TNFAIP8: variants seen among roughly 807,000 people sequenced by gnomAD.
The protein encoded by TNFAIP8 is TNF alpha induced protein 8, also known as tumor necrosis factor alpha-induced protein 8.
In TNFAIP8, 7 loss-of-function variants were observed where a neutral mutation model predicts 13.3. The observed-to-expected ratio is 0.52, with a 90% CI of 0.30 to 0.99. The LOEUF (loss-of-function observed/expected upper bound fraction) is 0.99, where lower values mean the gene tolerates loss of function less well. TNFAIP8 is among the 50% of genes least tolerant of loss of function. The pLI is 0.07. For missense variants in TNFAIP8, 258 were observed against 236.9 expected, an observed-to-expected ratio of 1.09 and a Z score of -0.58; for synonymous variants, 94 against 87.6, an observed-to-expected ratio of 1.07 and a Z score of -0.41.
At chr5:119,280,772 T>A (rs1045310833) in intron 1 of TNFAIP8, among the ~76,000 whole-genome samples, 2 of 152,206 alleles carry the variant, frequency 1.3e-5, no homozygotes, top group African/African-American at 4.8e-5. Flanking sequence ...GATAGACGCC[T>A]TTTCAATCTG....
At chr5:119,310,604 G>A (rs1282265086) in intron 1 of TNFAIP8, among the ~76,000 whole-genome samples, 3 of 152,182 alleles carry the variant, frequency 2.0e-5, no homozygotes, top group Admixed American at 6.5e-5. Context: ...GGAGGCCGAG[G>A]CAGGTAGATC....
intron 1 of TNFAIP8, among the ~76,000 whole-genome samples, chr5:119,345,179 G>T (rs890005494): frequency 6.6e-6 from 1 of 151,986 alleles, no homozygotes; most frequent in African/African-American, 2.4e-5. Context: ...ATGTTTTTAC[G>T]TTACTCTTCA....
In TNFAIP8 at chr5:119,284,678, C is replaced by T. The variant is rs903206714; in HGVS notation, c.1+15771C>T. Among the ~76,000 whole-genome samples the T allele has an allele frequency of 7.3e-5, 11 of 149,900 alleles. No homozygotes were observed. The South Asian group carries it at 2.1e-3, about 29-fold the overall frequency. On this transcript the variant is annotated intron_variant, in intron 1 of 1. Transcript: ENST00000274456. Reference sequence around the variant, plus strand: ...CCTGGGTGACAGAGCGAGGCTCCATCTAGAAAAAAAAAAAAAATTCTGTAG... The same window carrying T: ...CCTGGGTGACAGAGCGAGGCTCCATTTAGAAAAAAAAAAAAAATTCTGTAG...
intron 1 of TNFAIP8, among the ~76,000 whole-genome samples, chr5:119,290,178 T>C (rs1251641897): frequency 7.8e-6 from 1 of 127,716 alleles, no homozygotes; most frequent in Non-Finnish European, 1.7e-5. Flanking sequence ...TGTCTGTTGC[T>C]GCATAACAGA....
intron 1 of TNFAIP8, among the ~76,000 whole-genome samples, chr5:119,295,500 G>T (rs1385493703): frequency 6.6e-6 from 1 of 151,814 alleles, no homozygotes; most frequent in African/African-American, 2.4e-5. Flanking sequence ...TCTCTGTTTT[G>T]GTACCAGTAC....
chr5:119,386,920 C>A (rs1382239751), intron 1 of TNFAIP8, among the ~76,000 whole-genome samples: 2 of 151,804 alleles, frequency 1.3e-5, no homozygotes, highest in Admixed American at 1.3e-4. Context: ...TCCAGGGCAG[C>A]CCCCTTTAGA....
chr5:119,391,432 C>T (rs555785261), intron 1 of TNFAIP8: 23 of 702,196 alleles, frequency 3.3e-5, no homozygotes, highest in South Asian at 3.1e-4. Context: ...TGAGTAGACA[C>T]CCAAAGAACT....
chr5:119,271,468 C>T (rs1581556908), intron 1 of TNFAIP8, among the ~76,000 whole-genome samples: 2 of 152,218 alleles, frequency 1.3e-5, no homozygotes, highest in East Asian at 3.8e-4. Flanking sequence ...CTTTGATCTA[C>T]CTCATGTAGA....
intron 1 of TNFAIP8, among the ~76,000 whole-genome samples, chr5:119,287,339 A>C (rs1392643671): frequency 2.0e-5 from 1 of 50,166 alleles, no homozygotes; most frequent in African/African-American, 4.0e-5. Flanking sequence ...TAATTGACAC[A>C]TAAAAATTGT....
intron 1 of TNFAIP8, among the ~76,000 whole-genome samples, chr5:119,317,191 T>G (rs532067697): frequency 6.6e-6 from 1 of 152,232 alleles, no homozygotes; most frequent in Admixed American, 6.5e-5. Context: ...TGGTTCCGAT[T>G]TCTTGGGTAG....
Position 119,393,203 on chromosome 5 carries a change from A to G in TNFAIP8, c.419A>G (p.His140Arg). Reference sequence around the variant, plus strand: ...TTAAATGAATGCAGAGAGATGCTGCACCAAATCATTCAGCGCCACCTCACT... The same window carrying G: ...TTAAATGAATGCAGAGAGATGCTGCGCCAAATCATTCAGCGCCACCTCACT... The part of the protein sequence containing the change: ...RLLNECREML[H>R]QIIQRHLTAK... Residue 140 changes from histidine (H) to arginine (R), a missense_variant, in exon 2 of 2, where the codon CAC (histidine) becomes CGC (arginine). Physicochemically the swap from His to Arg is conservative, Grantham distance 29. Coordinates refer to ENST00000504771, the MANE Select transcript of TNFAIP8 (RefSeq NM_014350.4). 1 of 1,614,038 alleles carries G rather than the reference A, an allele frequency of 6.2e-7. No homozygotes were observed. Among genetic ancestry groups the G allele is most frequent in the South Asian group, 1.1e-5 (1 of 91,086 alleles).
chr5:119,307,613 T>C (rs1277308861), intron 1 of TNFAIP8, among the ~76,000 whole-genome samples: 1 of 152,250 alleles, frequency 6.6e-6, no homozygotes, highest in African/African-American at 2.4e-5. Context: ...ATATTTTTCA[T>C]TTTTTAACAA....
At chr5:119,346,432 A>C (rs912820403) in intron 1 of TNFAIP8, among the ~76,000 whole-genome samples, 7 of 152,260 alleles carry the variant, frequency 4.6e-5, no homozygotes, top group Non-Finnish European at 1.0e-4. Flanking sequence ...GATGAAGCTT[A>C]GAATGGTACC....
At chr5:119,338,165 G>GACACACACAC (rs367789572) in intron 1 of TNFAIP8, among the ~76,000 whole-genome samples, 1,760 of 125,190 alleles carry the variant, frequency 0.014, 37 homozygotes, top group Non-Finnish European at 0.018. Flanking sequence ...CTGGAACTTT[G>GACACACACAC]ACACACACAC....
At chr5:119,369,704 T>A (rs190524155) in intron 1 of TNFAIP8, among the ~76,000 whole-genome samples, 5 of 152,334 alleles carry the variant, frequency 3.3e-5, no homozygotes, top group South Asian at 2.1e-4. Context: ...GGTACCACAG[T>A]CTGTCAAAAC....
At chr5:119,295,420 G>C (rs1357439956) in intron 1 of TNFAIP8, among the ~76,000 whole-genome samples, 3 of 151,794 alleles carry the variant, frequency 2.0e-5, no homozygotes, top group Non-Finnish European at 4.4e-5. Context: ...TCTCAGGTTT[G>C]TCAAAGATCA....
intron 1 of TNFAIP8, among the ~76,000 whole-genome samples, chr5:119,303,772 A>G (rs922454343): frequency 6.6e-5 from 10 of 152,224 alleles, no homozygotes; most frequent in Non-Finnish European, 1.5e-5. Flanking sequence ...TCCCCTTCCC[A>G]GTTCTTTAGT....
rs397963876 is a variant in TNFAIP8 at position 119,394,611 on chromosome 5, A to ATTTTTTTTTTTTTTTTTTTTTTTTTTTTT, written c.*1249_*1250insTTTTTTTTTTTTTTTTTTTTTTTTTTTTT. On this transcript the variant is annotated 3_prime_UTR_variant, in exon 2 of 2. Coordinates refer to ENST00000504771, the MANE Select transcript of TNFAIP8 (RefSeq NM_014350.4). ...CATTTCCATTGTCACTGTGTCTATG[A>ATTTTTTTTTTTTTTTTTTTTTTTTTTTTT]TTTTTTTTTTTTTTTTTTTGAGTCT... is the stretch of plus-strand genomic sequence containing the variant. 79 of 114,648 alleles carry ATTTTTTTTTTTTTTTTTTTTTTTTTTTTT rather than the reference A, an allele frequency of 6.9e-4. 3 individuals are homozygous for ATTTTTTTTTTTTTTTTTTTTTTTTTTTTT. The highest frequency in any genetic ancestry group is 1.9e-3 in the African/African-American group (48 of 24,772). 7.1% of individuals were successfully genotyped at this position (114,648 alleles called of 1,614,324 possible). A position where few individuals can be genotyped will look rare whatever the true frequency, so the allele number is the denominator to read the frequency against.
At chr5:119,309,163 C>T (rs1015261069) in intron 1 of TNFAIP8, among the ~76,000 whole-genome samples, 2 of 152,174 alleles carry the variant, frequency 1.3e-5, no homozygotes, top group Non-Finnish European at 2.9e-5. Context: ...TGTTAAAAGC[C>T]TCTGCAACAT....
Sources: allele counts gnomAD v4.1 joint callset (sites outside exome capture counted in the v4.1 genomes callset), GRCh38; gene constraint gnomAD v4.1.1; transcripts MANE v1.5; gene names NCBI Gene and HGNC (gene_info 2026-07-23, HGNC 2026-07-21).